The following PHIP variants were observed in gnomAD, a reference collection of about 807,000 sequenced individuals.
PHIP encodes PHIP subunit of CUL4-Ring ligase complex, also known as PH-interacting protein.
A neutral mutation model predicts 236.8 loss-of-function variants in PHIP; 54 were observed. That is an observed-to-expected ratio of 0.23 (90% CI 0.18 to 0.29). The LOEUF is 0.29. Among genes scored for constraint, PHIP ranks in the 10% least tolerant of loss-of-function variants. The probability of loss-of-function intolerance (pLI) is 1.00; values close to 1 mark genes in which losing one functional copy is unlikely to be tolerated. For missense variants in PHIP, 1,370 were observed against 2,190.8 expected (o/e 0.63, Z 7.48); for synonymous variants, 756 against 718.9 (o/e 1.05, Z -0.83).
intron 35 of PHIP, among the ~76,000 whole-genome samples, chr6:78,954,218 C>T (rs564121964): frequency 2.2e-4 from 33 of 152,148 alleles, no homozygotes; most frequent in South Asian, 1.4e-3. Flanking sequence ...TCTCCTGCCT[C>T]AGCCTCCCAA....
chr6:79,020,648 A>C (rs914143048), intron 9 of PHIP, among the ~76,000 whole-genome samples: 1 of 152,186 alleles, frequency 6.6e-6, no homozygotes, highest in Admixed American at 6.5e-5. Flanking sequence ...CCATTTTTAA[A>C]AGGTTTTTAT....
chr6:78,955,835 C>T (rs1052905919), intron 32 of PHIP, 153 bp from the exon 33 acceptor site: 7 of 437,338 alleles, frequency 1.6e-5, no homozygotes, highest in Middle Eastern at 3.5e-4. Context: ...TATGCACACA[C>T]ATTTAACCCT....
intron 6 of PHIP, among the ~76,000 whole-genome samples, chr6:79,048,003 A>AT (rs369839344): frequency 0.07 from 10,165 of 144,740 alleles, 369 homozygotes; most frequent in Middle Eastern, 0.15. Context: ...ATACATATGT[A>AT]TTTTTTTTTT....
At chr6:78,986,820 T>C (rs1320431667) in intron 21 of PHIP, among the ~76,000 whole-genome samples, 5 of 152,194 alleles carry the variant, frequency 3.3e-5, no homozygotes, top group Admixed American at 2.0e-4. Flanking sequence ...CACATTTGCA[T>C]ATTTTATTAA....
At chr6:79,008,609 T>C (rs1770421309) in intron 15 of PHIP, among the ~76,000 whole-genome samples, 1 of 152,116 alleles carries the variant, frequency 6.6e-6, no homozygotes, top group South Asian at 2.1e-4. Flanking sequence ...CCCTTTTCCA[T>C]TCTGCTAAAT....
At position 79,014,361 on chromosome 6, in the gene PHIP, T is replaced by A. The variant is rs181398797; in HGVS notation, c.1524+721A>T. ...TTCTATAATTGGTTTTTTAAAAAAA[T>A]TTAAACATGCTGAAATAGTGGAAAC... is the stretch of plus-strand genomic sequence containing the variant. On this transcript the variant is annotated intron_variant, in intron 15 of 39. Transcript: ENST00000275034. 3.9e-3 allele frequency among the ~76,000 whole-genome samples: 588 copies of A among 151,902 alleles called. 2 individuals carry two copies. The highest frequency in any genetic ancestry group is 5.8e-3 in the Non-Finnish European group (392 of 67,722).
At chr6:79,051,920 G>GT (rs66570011) in intron 6 of PHIP, among the ~76,000 whole-genome samples, 12,613 of 151,328 alleles carry the variant, frequency 0.083, 610 homozygotes, top group Middle Eastern at 0.13. Context: ...AAGTTAGGTG[G>GT]TTTTTTTTAA....
At chr6:78,991,227 A>T (rs1769221205) in intron 19 of PHIP, among the ~76,000 whole-genome samples, 2 of 152,018 alleles carry the variant, frequency 1.3e-5, no homozygotes, top group African/African-American at 4.8e-5. Context: ...GGTTCCTGCT[A>T]TGGTCTCTGG....
At chr6:78,993,773 T>G (rs1293608925) in intron 19 of PHIP, among the ~76,000 whole-genome samples, 1 of 152,220 alleles carries the variant, frequency 6.6e-6, no homozygotes, top group African/African-American at 2.4e-5. Context: ...AGGTGATTAG[T>G]GTTCTCTTCA....
chr6:79,020,570 C>T (rs1771065952), intron 9 of PHIP, among the ~76,000 whole-genome samples: 1 of 152,090 alleles, frequency 6.6e-6, no homozygotes, highest in South Asian at 2.1e-4. Context: ...TACATCTGCT[C>T]ACATAAGTTC....
intron 4 of PHIP, among the ~76,000 whole-genome samples, chr6:79,064,375 G>A (rs184404232): frequency 3.8e-4 from 57 of 151,986 alleles, no homozygotes; most frequent in Non-Finnish European, 8.8e-5. Flanking sequence ...CCCCTTTCCC[G>A]TTCTCTTCCT....
At chr6:78,955,845 T>C in intron 32 of PHIP, 163 bp from the exon 33 acceptor site, 1 of 412,014 alleles carries the variant, frequency 2.4e-6, no homozygotes. Context: ...CATTTAACCC[T>C]GACCCCTCCA....
intron 37 of PHIP, 87 bp from the exon 38 acceptor site, chr6:78,946,347 G>T (rs1437851216): frequency 2.1e-6 from 3 of 1,430,532 alleles, no homozygotes; most frequent in African/African-American, 2.9e-5. Flanking sequence ...TTCAATATTT[G>T]TACTATTATG....
At chr6:78,989,607 G>A (rs901176325) in intron 20 of PHIP, among the ~76,000 whole-genome samples, 1 of 152,062 alleles carries the variant, frequency 6.6e-6, no homozygotes, top group African/African-American at 2.4e-5. Context: ...TGCGACCACA[G>A]ACGCTAAAAA....
intron 15 of PHIP, among the ~76,000 whole-genome samples, chr6:79,012,674 T>A (rs988186368): frequency 6.6e-6 from 1 of 151,736 alleles, no homozygotes; most frequent in African/African-American, 2.4e-5. Flanking sequence ...CAAATAGCTA[T>A]AATTATAGCC....
chr6:79,016,761 A>G lies in PHIP; in HGVS notation c.1137-119T>C, dbSNP rs994987134. 6 of 603,136 alleles carry G rather than the reference A, an allele frequency of 9.9e-6. No individual in the cohort carries two copies. The African/African-American group carries it at 1.1e-4, about 11-fold the overall frequency. The allele number at this position is 603,136 out of a possible 1,614,324, so 37.4% of individuals were successfully genotyped here. ...TCATCTTTATTTATGCAGCATTCTA[A>G]TAACTTCTGAAACTTTATGGGCTTT... On this transcript the variant is annotated intron_variant, in intron 12 of 39. Transcript: ENST00000275034.
In PHIP at chr6:78,935,969, G is replaced by A. The variant is rs761533852; in HGVS notation, c.*4724C>T. ...ACATACATTCTAGTTTGTATAAAAG[G>A]ATTCAAAGAATTATGCATCAAAACT... On this transcript the variant is annotated 3_prime_UTR_variant, in exon 40 of 40. Transcript: ENST00000275034. 8.4e-5 allele frequency: 13 copies of A among 154,408 alleles called. No individual in the cohort carries two copies. Among genetic ancestry groups the A allele is most frequent in the Non-Finnish European group, 1.7e-4 (12 of 70,006 alleles). The allele number at this position is 154,408 out of a possible 1,614,324, so 9.6% of individuals were successfully genotyped here.
intron 17 of PHIP, among the ~76,000 whole-genome samples, chr6:78,999,533 T>C (rs1014649608): frequency 6.6e-6 from 1 of 152,122 alleles, no homozygotes; most frequent in African/African-American, 2.4e-5. Flanking sequence ...CTAAATCTAG[T>C]ACAATGCTAG....
At chr6:78,975,919 G>C (rs1169109373) in intron 24 of PHIP, among the ~76,000 whole-genome samples, 1 of 150,638 alleles carries the variant, frequency 6.6e-6, no homozygotes, top group Admixed American at 6.6e-5. Context: ...TGGGTAGGAA[G>C]AATCAATATT....
Sources: allele counts gnomAD v4.1 joint callset (sites outside exome capture counted in the v4.1 genomes callset), GRCh38; gene constraint gnomAD v4.1.1; transcripts MANE v1.5; gene names NCBI Gene and HGNC (gene_info 2026-07-23, HGNC 2026-07-21).